The following KDM4A variants were observed in gnomAD, a reference collection of about 807,000 sequenced individuals.
KDM4A encodes the protein lysine-specific demethylase 4A.
A neutral mutation model predicts 127.1 loss-of-function variants in KDM4A; 23 were observed. The observed-to-expected ratio is 0.18, with a 90% CI of 0.13 to 0.26. The LOEUF (loss-of-function observed/expected upper bound fraction) is 0.26, where lower values mean the gene tolerates loss of function less well. Ranked by LOEUF, KDM4A falls within the 10% of genes least tolerant of loss-of-function variation. KDM4A has a pLI of 1.00. For missense variants in KDM4A, 890 were observed against 1,329.1 expected, an observed-to-expected ratio of 0.67 and a Z score of 5.14; for synonymous variants, 443 against 466.5, an observed-to-expected ratio of 0.95 and a Z score of 0.65.
intron 5 of KDM4A, among the ~76,000 whole-genome samples, chr1:43,663,350 T>TC (rs1395529436): frequency 6.6e-6 from 1 of 152,182 alleles, no homozygotes; most frequent in East Asian, 1.9e-4. Context: ...TTCCAGGCTA[T>TC]CCCACTGCTT....
chr1:43,651,179 A>G (rs1660106630), intron 1 of KDM4A, among the ~76,000 whole-genome samples: 1 of 152,256 alleles, frequency 6.6e-6, no homozygotes, highest in Non-Finnish European at 1.5e-5. Flanking sequence ...AAAATGTGCA[A>G]AAGTAAGATA....
At chr1:43,670,191 A>G (rs553746205) in intron 10 of KDM4A, among the ~76,000 whole-genome samples, 15 of 152,278 alleles carry the variant, frequency 9.9e-5, no homozygotes, top group African/African-American at 3.4e-4. Context: ...TTGGAAGGTC[A>G]TTGAGGCTAG....
chr1:43,698,409 T>C (rs1473987759), intron 19 of KDM4A, among the ~76,000 whole-genome samples: 1 of 152,212 alleles, frequency 6.6e-6, no homozygotes, highest in African/African-American at 2.4e-5. Flanking sequence ...TCAGGCCCTC[T>C]TAGTAGATGT....
At chr1:43,685,256 TGGTCTCCTTGGCTGCC>T (rs1660946149) in intron 12 of KDM4A, among the ~76,000 whole-genome samples, 1 of 152,116 alleles carries the variant, frequency 6.6e-6, no homozygotes, top group Non-Finnish European at 1.5e-5. Context: ...CAGTGGAGCA[TGGTCTCCTTGGCTGCC>T]TGAAGCCCAG....
At chr1:43,674,469 A>T (rs1390378264) in intron 11 of KDM4A, among the ~76,000 whole-genome samples, 1 of 151,976 alleles carries the variant, frequency 6.6e-6, no homozygotes, top group African/African-American at 2.4e-5. Flanking sequence ...ACAAGTTAAA[A>T]TGATTGAAGA....
In KDM4A at chr1:43,705,363, C is replaced by T. The variant is rs939775130; in HGVS notation, c.*993C>T. On this transcript the variant is annotated 3_prime_UTR_variant, in exon 22 of 22. Coordinates refer to ENST00000372396, the MANE Select transcript of KDM4A (RefSeq NM_014663.3). ...TCCTCAAGAATTTGTTTGCCTGGGC[C>T]CAGGATTGGAGGGCTTCACACCAAT... 5.9e-5 allele frequency: 9 copies of T among 152,192 alleles called. No individual in the cohort carries two copies. Among genetic ancestry groups the T allele is most frequent in the Admixed American group, 5.2e-4 (8 of 15,242 alleles). The allele number at this position is 152,192 out of a possible 1,614,324, so 9.4% of individuals were successfully genotyped here.
intron 14 of KDM4A, 94 bp from the exon 15 acceptor site, chr1:43,691,401 GT>G: frequency 9.8e-7 from 1 of 1,022,998 alleles, no homozygotes; most frequent in Middle Eastern, 2.0e-4. Context: ...AGATTTGGTT[GT>G]AGCTTTGGGA....
intron 18 of KDM4A, among the ~76,000 whole-genome samples, chr1:43,696,648 C>T (rs770186885): frequency 6.6e-6 from 1 of 152,146 alleles, no homozygotes; most frequent in East Asian, 1.9e-4. Context: ...CTGAACTTGC[C>T]CTTAATGCAA....
At position 43,693,760 on chromosome 1, in the gene KDM4A, C is replaced by T. The variant is rs7553982; in HGVS notation, c.2376-234C>T. ...ACAGAGTGGTGTAAGAAGCATGATC[C>T]GGTGCTAACCTAGGGCAGTGGGCAG... On this transcript the variant is annotated intron_variant, in intron 16 of 21. Coordinates refer to ENST00000372396, the MANE Select transcript of KDM4A (RefSeq NM_014663.3). This position sits in a 1 kb window ranked among gnomAD's most constrained non-coding sequence, Gnocchi z 4.2. Among the ~76,000 whole-genome samples, 10,971 of 152,272 alleles carry T rather than the reference C, an allele frequency of 0.072. 1,329 individuals carry two copies. The highest frequency in any genetic ancestry group is 0.25 in the African/African-American group (10,419 of 41,522).
At chr1:43,675,289 A>G (rs2154047607) in intron 11 of KDM4A, among the ~76,000 whole-genome samples, 1 of 152,346 alleles carries the variant, frequency 6.6e-6, no homozygotes, top group East Asian at 1.9e-4. Context: ...ACTCTAGGCC[A>G]GGACTGTGCC....
intron 19 of KDM4A, among the ~76,000 whole-genome samples, chr1:43,701,472 T>G (rs1196652954): frequency 1.3e-5 from 2 of 152,086 alleles, no homozygotes; most frequent in African/African-American, 4.8e-5. Flanking sequence ...GTCAGTCACT[T>G]TTTTCTTTTT....
At chr1:43,691,094 G>A in intron 14 of KDM4A, 45 bp downstream of exon 14, 5 of 1,592,294 alleles carry the variant, frequency 3.1e-6, no homozygotes, top group Non-Finnish European at 4.3e-6. Flanking sequence ...CAGGAGTATG[G>A]GCCTGCTCAC....
At chr1:43,684,154 G>A (rs1020673853) in intron 12 of KDM4A, among the ~76,000 whole-genome samples, 3 of 152,172 alleles carry the variant, frequency 2.0e-5, no homozygotes, top group African/African-American at 7.2e-5. Flanking sequence ...AGATATGTCC[G>A]TGCCCTCAAG....
At chr1:43,698,056 G>A (rs1557921495) in intron 19 of KDM4A, 43 bp downstream of exon 19, 7 of 1,593,500 alleles carry the variant, frequency 4.4e-6, no homozygotes, top group Non-Finnish European at 6.0e-6. Context: ...GGAATGGGGG[G>A]ATGTTTCTAA....
chr1:43,654,697 TTGTGAGTGTGTGTG>T (rs1269866333), intron 2 of KDM4A, among the ~76,000 whole-genome samples: 113 of 80,058 alleles, frequency 1.4e-3, no homozygotes, highest in African/African-American at 5.5e-3. Flanking sequence ...ATGCAGATGC[TTGTGAGTGTGTGTG>T]TGTGTGTGTG....
chr1:43,682,000 CT>C (rs1467814998), intron 11 of KDM4A, among the ~76,000 whole-genome samples: 13 of 152,262 alleles, frequency 8.5e-5, no homozygotes, highest in African/African-American at 3.1e-4. Context: ...CAAAGTCTCA[CT>C]TCTGTCACCC....
chr1:43,693,890 G>T lies in KDM4A; in HGVS notation c.2376-104G>T, dbSNP rs1661178399. 3 of 833,294 alleles carry T rather than the reference G, an allele frequency of 3.6e-6. No individual in the cohort carries two copies. In the South Asian group the frequency reaches 4.7e-5, roughly 13 times the overall value. 51.6% of individuals were successfully genotyped at this position (833,294 alleles called of 1,614,324 possible). ...CCCAGGCATGTGCTGGTGGAAGTCA[G>T]TGGTCACCCAGGTGAGGGAGGAAGC... On this transcript the variant is annotated intron_variant, in intron 16 of 21. Transcript: ENST00000372396. The surrounding 1 kb of genome is among the most constrained non-coding windows in gnomAD (Gnocchi z 4.2).
chr1:43,694,966 GTTGTAT>G lies in KDM4A; in HGVS notation c.2670+73_2670+78del. 1 of 1,390,206 alleles carries G rather than the reference GTTGTAT, an allele frequency of 7.2e-7. No homozygotes were observed. The highest frequency in any genetic ancestry group is 9.8e-7 in the Non-Finnish European group (1 of 1,017,772). 86.1% of individuals were successfully genotyped at this position (1,390,206 alleles called of 1,614,324 possible). ...CATTTTCTCTGCATGTTTTCCATTT[GTTGTAT>G]CAGCAACTATTTCCTCAAGCATTCT... On this transcript the variant is annotated intron_variant, in intron 18 of 21. Transcript: ENST00000372396. This position sits in a 1 kb window ranked among gnomAD's most constrained non-coding sequence, Gnocchi z 5.2.
At chr1:43,657,158 G>T (rs1293701275) in intron 3 of KDM4A, among the ~76,000 whole-genome samples, 1 of 151,996 alleles carries the variant, frequency 6.6e-6, no homozygotes, top group African/African-American at 2.4e-5. Context: ...AAAGTGCTGG[G>T]ATTATAGGCA....
Sources: allele counts gnomAD v4.1 joint callset (sites outside exome capture counted in the v4.1 genomes callset), GRCh38; gene constraint gnomAD v4.1.1; non-coding constraint Gnocchi (gnomAD v3.1); transcripts MANE v1.5; gene names NCBI Gene and HGNC (gene_info 2026-07-23, HGNC 2026-07-21).